Variants in KIAA1671 observed in about 807,000 individuals in gnomAD.
The protein encoded by KIAA1671 is uncharacterized protein KIAA1671.
In KIAA1671, 52 loss-of-function variants were observed where a neutral mutation model predicts 131.2. The ratio of observed to expected loss-of-function variants is 0.40; its 90% CI spans 0.32 to 0.50. The LOEUF (loss-of-function observed/expected upper bound fraction) is 0.50. Ranked by LOEUF, KIAA1671 falls within the 20% of genes least tolerant of loss-of-function variation. The pLI, the probability that KIAA1671 is intolerant of heterozygous loss-of-function variation, is 0.73. For synonymous variants in KIAA1671, 1,003 were observed against 961.6 expected (o/e 1.04, Z -0.80); for missense variants, 2,360 against 2,364.2 (o/e 1.00, Z 0.04).
At chr22:25,034,500 T>C (rs1428834123) in intron 4 of KIAA1671, among the ~76,000 whole-genome samples, 1 of 152,056 alleles carries the variant, frequency 6.6e-6, no homozygotes, top group Admixed American at 6.6e-5. Flanking sequence ...AGAGTAATTA[T>C]GTTGAGATCA....
chr22:25,032,968 T>C (rs1479036753), intron 4 of KIAA1671, among the ~76,000 whole-genome samples: 3 of 152,226 alleles, frequency 2.0e-5, no homozygotes, highest in African/African-American at 4.8e-5. Context: ...CTTTCTTATA[T>C]AGGAGTGCCT....
Position 25,039,575 on chromosome 22 carries a change from C to T in KIAA1671, c.2445C>T (p.Gly815=). Residue 815 remains glycine (G), a synonymous_variant, in exon 5 of 13, where the codon GGC becomes GGT. Transcript: ENST00000358431. ...MPEASGPKFG[G]NCPFPKWTGG... ...AGGCTAGTGGACCGAAGTTTGGGGGCAATTGCCCGTTTCCCAAATGGACAG... is the reference window on the plus strand; with the variant it reads ...AGGCTAGTGGACCGAAGTTTGGGGGTAATTGCCCGTTTCCCAAATGGACAG... 1.3e-6 allele frequency: 2 copies of T among 1,551,778 alleles called. No homozygotes were observed. The highest frequency in any genetic ancestry group is 1.7e-6 in the Non-Finnish European group (2 of 1,147,006).
chr22:25,044,685 T>G (rs1230436904), intron 5 of KIAA1671, among the ~76,000 whole-genome samples: 2 of 152,134 alleles, frequency 1.3e-5, no homozygotes, highest in Non-Finnish European at 2.9e-5. Context: ...ATGTTGGTTG[T>G]TAAAATTTTG....
chr22:25,065,252 A>G (rs1160424188), intron 6 of KIAA1671: 1 of 152,196 alleles, frequency 6.6e-6, no homozygotes, highest in Non-Finnish European at 1.5e-5. Flanking sequence ...ACCTGAAAAA[A>G]AAGGGTGTCA....
chr22:25,099,586 G>A (rs908053935), intron 6 of KIAA1671, among the ~76,000 whole-genome samples: 2 of 123,824 alleles, frequency 1.6e-5, no homozygotes, highest in African/African-American at 6.3e-5. Flanking sequence ...ATAGAGTCTC[G>A]CTCAGTCACC....
At chr22:24,955,938 T>C (rs928892901) in intron 1 of KIAA1671, among the ~76,000 whole-genome samples, 3 of 144,250 alleles carry the variant, frequency 2.1e-5, no homozygotes, top group Non-Finnish European at 4.5e-5. Flanking sequence ...GGCAGGAGAA[T>C]GGCATGAACC....
intron 1 of KIAA1671, among the ~76,000 whole-genome samples, chr22:24,997,815 A>G (rs1030620144): frequency 1.3e-5 from 2 of 152,150 alleles, no homozygotes; most frequent in African/African-American, 4.8e-5. Flanking sequence ...CACGCATATC[A>G]AGATATAGAA....
At chr22:25,092,692 G>A (rs565503562) in intron 6 of KIAA1671, among the ~76,000 whole-genome samples, 12 of 152,302 alleles carry the variant, frequency 7.9e-5, no homozygotes, top group African/African-American at 2.9e-4. Flanking sequence ...CAAGCCATGG[G>A]AATGGATTGG....
At chr22:25,114,424 C>T (rs1931551324) in intron 6 of KIAA1671, among the ~76,000 whole-genome samples, 1 of 152,268 alleles carries the variant, frequency 6.6e-6, no homozygotes, top group African/African-American at 2.4e-5. Context: ...CCTAGATACT[C>T]TGCCTGAGCA....
At position 25,028,441 on chromosome 22, in the gene KIAA1671, G is replaced by A. The variant is rs918868201; in HGVS notation, c.442G>A (p.Glu148Lys). Residue 148 changes from glutamate to lysine, a missense_variant, in exon 3 of 13, where the codon GAA (glutamate) becomes AAA (lysine). By Grantham distance (56) the Glu-to-Lys change is moderately conservative. Around this residue, in one of 3 missense-constraint regions of KIAA1671, gnomAD observed 1,185 missense variants for 1,126.2 expected, o/e 1.05. Transcript: ENST00000358431. Reference sequence around the variant, plus strand: ...CAGCTCCAGCACCATGATTCTCTTCGAAACCACCAAAAGCGGCCCCGCTCT... The same window carrying A: ...CAGCTCCAGCACCATGATTCTCTTCAAAACCACCAAAAGCGGCCCCGCTCT... Reference protein sequence around the residue: ...RPSSSTMILFETTKSGPALGK... With the variant: ...RPSSSTMILFKTTKSGPALGK... 1.0e-5 allele frequency: 16 copies of A among 1,550,738 alleles called. No individual in the cohort carries two copies. The highest frequency in any genetic ancestry group is 1.7e-4 in the Middle Eastern group (1 of 5,982).
At chr22:25,022,647 G>C (rs997933156) in intron 1 of KIAA1671, 1 of 152,176 alleles carries the variant, frequency 6.6e-6, no homozygotes, top group African/African-American at 2.4e-5. Context: ...TTGTGGACTT[G>C]GCAAGTTCAG....
At chr22:25,142,300 G>A (rs1004127759) in intron 6 of KIAA1671, among the ~76,000 whole-genome samples, 7 of 152,174 alleles carry the variant, frequency 4.6e-5, no homozygotes, top group Non-Finnish European at 1.0e-4. Flanking sequence ...TCAGTTACAC[G>A]AGAAGGGGAA....
chr22:25,078,401 C>T (rs78521789), intron 6 of KIAA1671, among the ~76,000 whole-genome samples: 11,071 of 152,108 alleles, frequency 0.073, 1,295 homozygotes, highest in African/African-American at 0.25. Flanking sequence ...TAATGGTGTA[C>T]GCCTATAATC....
chr22:25,068,787 C>T (rs1424951075), intron 6 of KIAA1671, among the ~76,000 whole-genome samples: 1 of 152,118 alleles, frequency 6.6e-6, no homozygotes, highest in African/African-American at 2.4e-5. Context: ...GCCTGGTGTC[C>T]AGTGGTGAGG....
chr22:25,092,738 C>T (rs1438441811), intron 6 of KIAA1671, among the ~76,000 whole-genome samples: 5 of 152,170 alleles, frequency 3.3e-5, no homozygotes, highest in African/African-American at 1.2e-4. Context: ...GGAGGGTCCC[C>T]AGTGTCTGGC....
chr22:24,962,810 C>T lies in KIAA1671; in HGVS notation c.-208+10038C>T, dbSNP rs117629731. On this transcript the variant is annotated intron_variant, in intron 1 of 12. Coordinates refer to ENST00000358431, the MANE Select transcript of KIAA1671 (RefSeq NM_001145206.2). ...GCTTTTTGGGGCCCTGCATCTGAGC[C>T]GGTGCGCTTTCCCCCTTCTGCTGTA... 3.6e-3 allele frequency among the ~76,000 whole-genome samples: 549 copies of T among 152,214 alleles called. 18 individuals are homozygous for T. In the East Asian group the frequency reaches 0.078, roughly 22 times the overall value.
chr22:24,958,992 A>G (rs1013120677), intron 1 of KIAA1671, among the ~76,000 whole-genome samples: 6 of 150,450 alleles, frequency 4.0e-5, no homozygotes, highest in African/African-American at 1.5e-4. Context: ...AAAAAAAAAA[A>G]AAAAAAGAAA....
At chr22:25,016,367 A>G (rs1291494113) in intron 1 of KIAA1671, among the ~76,000 whole-genome samples, 4 of 152,226 alleles carry the variant, frequency 2.6e-5, no homozygotes, top group African/African-American at 9.6e-5. Context: ...CACATCTCAC[A>G]ATCCAGAAAG....
At position 25,056,212 on chromosome 22, in the gene KIAA1671, A is replaced by AT. The variant is rs773130685; in HGVS notation, c.4530+6851dup. On this transcript the variant is annotated intron_variant, in intron 6 of 12. Coordinates refer to ENST00000358431, the MANE Select transcript of KIAA1671 (RefSeq NM_001145206.2). ...TCTGGATATTAATCCCATATCAGAT[A>AT]TTTGCAAATATTTTTTTCCCATTCT... 5.4e-5 allele frequency: 8 copies of AT among 149,026 alleles called. No homozygotes were observed. The East Asian group carries it at 1.6e-3, about 29-fold the overall frequency. 9.2% of individuals were successfully genotyped at this position (149,026 alleles called of 1,614,324 possible).
Sources: allele counts gnomAD v4.1 joint callset (sites outside exome capture counted in the v4.1 genomes callset), GRCh38; gene constraint gnomAD v4.1.1; regional missense constraint gnomAD v4.1.1; transcripts MANE v1.5; gene names NCBI Gene and HGNC (gene_info 2026-07-23, HGNC 2026-07-21).